The following PDK1 variants were observed in gnomAD, a reference collection of about 807,000 sequenced individuals.
PDK1 encodes [Pyruvate dehydrogenase (acetyl-transferring)] kinase isozyme 1, mitochondrial.
In PDK1, 39 loss-of-function variants were observed where a neutral mutation model predicts 54.2. That is an observed-to-expected ratio of 0.72 (90% CI 0.56 to 0.94). The LOEUF is 0.94. Ranked by LOEUF, PDK1 falls within the 40% of genes least tolerant of loss-of-function variation. PDK1 has a pLI of 0.00. For synonymous variants in PDK1, 221 were observed against 207.1 expected (o/e 1.07, Z -0.58); for missense variants, 552 against 566.0 (o/e 0.98, Z 0.25).
chr2:172,654,572 G>C, the PDK1 span, among the ~76,000 whole-genome samples: 2 of 149,708 alleles, frequency 1.3e-5, no homozygotes, highest in African/African-American at 4.9e-5. Flanking sequence ...AGAACACTTG[G>C]ACACAGGGTG....
At chr2:172,699,946 A>G in the PDK1 span, among the ~76,000 whole-genome samples, 97 of 152,102 alleles carry the variant, frequency 6.4e-4, no homozygotes, top group Admixed American at 5.6e-3. Context: ...CAGATTAGAG[A>G]GTGGTGATGA....
At chr2:172,689,355 C>T in the PDK1 span, among the ~76,000 whole-genome samples, 1 of 152,132 alleles carries the variant, frequency 6.6e-6, no homozygotes, top group Admixed American at 6.5e-5. Context: ...AAACAGGACA[C>T]AAACAAATGG....
At chr2:172,623,241 C>T in the PDK1 span, among the ~76,000 whole-genome samples, 4 of 152,024 alleles carry the variant, frequency 2.6e-5, no homozygotes, top group Non-Finnish European at 4.4e-5. Flanking sequence ...CAGTGTGATG[C>T]CATAGTGGAG....
At chr2:172,593,832 C>T (rs755206070) in intron 10 of PDK1, among the ~76,000 whole-genome samples, 9 of 152,024 alleles carry the variant, frequency 5.9e-5, no homozygotes, top group Non-Finnish European at 1.0e-4. Context: ...TCCCCTTCTT[C>T]GGCTAACTGG....
intron 4 of PDK1, 77 bp downstream of exon 4, chr2:172,564,764 C>T (rs2149210106): frequency 1.5e-6 from 2 of 1,294,742 alleles, no homozygotes; most frequent in South Asian, 2.9e-5. Context: ...TAGGAAAGTT[C>T]CATTTAGGTA....
At chr2:172,651,548 A>G in the PDK1 span, among the ~76,000 whole-genome samples, 3 of 152,330 alleles carry the variant, frequency 2.0e-5, no homozygotes, top group African/African-American at 7.2e-5. Flanking sequence ...TTTTTTGAAA[A>G]GATCAACAAA....
intron 3 of PDK1, chr2:172,562,638 T>C: frequency 4.2e-6 from 3 of 718,042 alleles, no homozygotes; most frequent in Non-Finnish European, 7.3e-6. Flanking sequence ...TATCATCTGA[T>C]TGTTTTCTGA....
intron 2 of PDK1, 84 bp downstream of exon 2, chr2:172,558,933 G>A: frequency 7.6e-7 from 1 of 1,322,586 alleles, no homozygotes; most frequent in Non-Finnish European, 1.1e-6. Context: ...TTTACTCTTT[G>A]GTGGAATCTT....
chr2:172,717,051 C>T, the PDK1 span, among the ~76,000 whole-genome samples: 3 of 152,218 alleles, frequency 2.0e-5, no homozygotes, highest in Non-Finnish European at 4.4e-5. Flanking sequence ...CAGTGATCTG[C>T]ACTTCCTGTT....
chr2:172,622,577 T>C, the PDK1 span, among the ~76,000 whole-genome samples: 1 of 148,470 alleles, frequency 6.7e-6, no homozygotes, highest in Non-Finnish European at 1.5e-5. Flanking sequence ...ATATCTCATA[T>C]ATTATGTGAG....
chr2:172,636,203 G>T, the PDK1 span, among the ~76,000 whole-genome samples: 4 of 152,188 alleles, frequency 2.6e-5, no homozygotes, highest in African/African-American at 9.7e-5. Flanking sequence ...GAATGCCAGA[G>T]GCTGGGCAAT....
the PDK1 span, among the ~76,000 whole-genome samples, chr2:172,692,547 G>A: frequency 6.6e-6 from 1 of 152,316 alleles, no homozygotes; most frequent in Middle Eastern, 3.4e-3. Context: ...CTTTTGTAGA[G>A]AGAAGAGTTT....
the PDK1 span, among the ~76,000 whole-genome samples, chr2:172,708,609 T>C: frequency 6.6e-6 from 1 of 152,236 alleles, no homozygotes; most frequent in African/African-American, 2.4e-5. Context: ...AAATAATTGA[T>C]ACAGGTTGAG....
At chr2:172,718,132 A>C in the PDK1 span, among the ~76,000 whole-genome samples, 7 of 152,238 alleles carry the variant, frequency 4.6e-5, no homozygotes, top group Non-Finnish European at 8.8e-5. Context: ...AAAAATTTGA[A>C]TATAAGAATG....
the PDK1 span, among the ~76,000 whole-genome samples, chr2:172,663,031 T>C: frequency 2.9e-4 from 44 of 152,318 alleles, 1 homozygote; most frequent in East Asian, 8.1e-3. Flanking sequence ...GGTTGGTGTA[T>C]TAGTTTGCCA....
chr2:172,712,058 C>T, the PDK1 span, among the ~76,000 whole-genome samples: 1 of 151,734 alleles, frequency 6.6e-6, no homozygotes, highest in African/African-American at 2.4e-5. Context: ...CATATAGAGT[C>T]ATATTAAGAC....
chr2:172,595,939 C>T lies in PDK1; in HGVS notation c.1281C>T (p.Pro427=). Residue 427 remains proline, a synonymous_variant, in exon 11 of 11, where the codon CCC becomes CCT. Coordinates refer to ENST00000282077, the MANE Select transcript of PDK1 (RefSeq NM_002610.5). ...ADDWCVPSRE[P]KDMTTFRSA is the part of the protein sequence containing the mutation. ...ACTGGTGCGTCCCCAGCAGAGAACC[C>T]AAAGACATGACGACGTTCCGCAGTG... is the stretch of plus-strand genomic sequence containing the variant. 16 of 1,613,426 alleles carry T rather than the reference C, an allele frequency of 9.9e-6. No homozygotes were observed. The highest frequency in any genetic ancestry group is 1.4e-5 in the Non-Finnish European group (16 of 1,179,640).
chr2:172,559,587 G>A (rs901259463), intron 2 of PDK1, among the ~76,000 whole-genome samples: 1 of 152,038 alleles, frequency 6.6e-6, no homozygotes, highest in African/African-American at 2.4e-5. Context: ...TTGCTCTGTT[G>A]CCCAGGCTGG....
chr2:172,659,132 C>A, the PDK1 span, among the ~76,000 whole-genome samples: 1 of 152,272 alleles, frequency 6.6e-6, no homozygotes, highest in Middle Eastern at 3.4e-3. Context: ...CACAGTCCTA[C>A]CACTATGTGA....
Sources: gnomAD v4.1 joint callset for allele counts (sites outside exome capture counted in the v4.1 genomes callset) on GRCh38, gnomAD v4.1.1 for gene constraint, MANE v1.5 for transcripts, NCBI Gene and HGNC (gene_info 2026-07-23, HGNC 2026-07-21) for gene names.